MDGA2: variants seen among roughly 807,000 people sequenced by gnomAD.
MDGA2 encodes MAM domain containing glycosylphosphatidylinositol anchor 2.
A neutral mutation model predicts 117.8 loss-of-function variants in MDGA2; 40 were observed. The ratio of observed to expected loss-of-function variants is 0.34; its 90% CI spans 0.26 to 0.44. MDGA2 has a LOEUF of 0.44. Ranked by LOEUF, MDGA2 falls within the 20% of genes least tolerant of loss-of-function variation. MDGA2 has a pLI of 1.00. For missense variants in MDGA2, 1,123 were observed against 1,250.6 expected (o/e 0.90, Z 1.54); for synonymous variants, 452 against 439.0 (o/e 1.03, Z -0.37).
intron 1 of MDGA2, among the ~76,000 whole-genome samples, chr14:47,660,908 T>A (rs984455682): frequency 5.3e-5 from 8 of 151,644 alleles, no homozygotes; most frequent in Non-Finnish European, 1.0e-4. Flanking sequence ...TGAGAGAGAG[T>A]CCTCAGTATG....
At chr14:46,962,511 T>C (rs924710551) in intron 8 of MDGA2, among the ~76,000 whole-genome samples, 1 of 152,198 alleles carries the variant, frequency 6.6e-6, no homozygotes, top group Non-Finnish European at 1.5e-5. Flanking sequence ...CTCAAATTTG[T>C]CCATATTCAG....
At chr14:47,006,156 A>G (rs1456274593) in intron 8 of MDGA2, among the ~76,000 whole-genome samples, 1 of 151,222 alleles carries the variant, frequency 6.6e-6, no homozygotes, top group Non-Finnish European at 1.5e-5. Context: ...AAATTTTGTT[A>G]ATAATAATTA....
chr14:46,967,226 G>A (rs1475712731), intron 8 of MDGA2, among the ~76,000 whole-genome samples: 1 of 152,030 alleles, frequency 6.6e-6, no homozygotes, highest in East Asian at 1.9e-4. Context: ...CTGTCTATTT[G>A]GAGGACTTCG....
chr14:47,318,708 G>C (rs1889883675), intron 1 of MDGA2, among the ~76,000 whole-genome samples: 1 of 146,996 alleles, frequency 6.8e-6, no homozygotes, highest in South Asian at 2.2e-4. Flanking sequence ...CTTACCGAAT[G>C]AATTAATTAA....
intron 10 of MDGA2, among the ~76,000 whole-genome samples, chr14:46,889,754 C>A (rs1422645022): frequency 6.6e-6 from 1 of 151,926 alleles, no homozygotes; most frequent in Non-Finnish European, 1.5e-5. Context: ...AATACCAGGC[C>A]CCATTCCTTG....
At chr14:47,162,451 T>C (rs1883682576) in intron 3 of MDGA2, among the ~76,000 whole-genome samples, 1 of 152,200 alleles carries the variant, frequency 6.6e-6, no homozygotes, top group South Asian at 2.1e-4. Flanking sequence ...ATTATTCTGC[T>C]GCCTTTTATC....
chr14:47,084,346 T>C (rs1352562761), intron 6 of MDGA2, among the ~76,000 whole-genome samples: 1 of 151,902 alleles, frequency 6.6e-6, no homozygotes, highest in Non-Finnish European at 1.5e-5. Flanking sequence ...CACACTGAAC[T>C]GAATGAAAAC....
chr14:47,142,607 T>A (rs1388686548), intron 4 of MDGA2, among the ~76,000 whole-genome samples: 1 of 152,148 alleles, frequency 6.6e-6, no homozygotes, highest in East Asian at 1.9e-4. Context: ...AAAAATAAAT[T>A]GACAATAGAA....
intron 8 of MDGA2, among the ~76,000 whole-genome samples, chr14:47,016,523 T>A (rs1321742915): frequency 6.6e-6 from 1 of 151,974 alleles, no homozygotes; most frequent in East Asian, 1.9e-4. Context: ...AATATACACT[T>A]AAAAAATAAA....
chr14:47,407,517 C>T (rs758363421), intron 1 of MDGA2, among the ~76,000 whole-genome samples: 3 of 152,024 alleles, frequency 2.0e-5, no homozygotes, highest in Admixed American at 1.3e-4. Flanking sequence ...TCAAATGTCA[C>T]CAAAGGTAGC....
intron 1 of MDGA2, among the ~76,000 whole-genome samples, chr14:47,365,058 G>C (rs1007420854): frequency 6.6e-6 from 1 of 152,142 alleles, no homozygotes; most frequent in Non-Finnish European, 1.5e-5. Context: ...AGTTCCTTTG[G>C]GGAAATTTGT....
chr14:47,006,819 T>C (rs562096829), intron 8 of MDGA2, among the ~76,000 whole-genome samples: 6 of 151,802 alleles, frequency 4.0e-5, no homozygotes, highest in East Asian at 3.9e-4. Flanking sequence ...TCCTGTGTCA[T>C]AAAATAACCC....
chr14:47,058,604 G>A, intron 7 of MDGA2: 1 of 984,694 alleles, frequency 1.0e-6, no homozygotes, highest in Non-Finnish European at 1.2e-6. Flanking sequence ...AAGCACTTTA[G>A]TCTTCAATAG....
rs1038411383 is a variant in MDGA2 at position 47,598,374 on chromosome 14, T to C, written c.280+76143A>G. On this transcript the variant is annotated intron_variant, in intron 1 of 16. Transcript: ENST00000399232. ...GGAATTTGAACAAATATTTGTACACTGGTGTTTGTAGCTGCATTATTCACA... is the reference window on the plus strand; with the variant it reads ...GGAATTTGAACAAATATTTGTACACCGGTGTTTGTAGCTGCATTATTCACA... Among the ~76,000 whole-genome samples the C allele has an allele frequency of 3.9e-5, 6 of 152,300 alleles. No homozygotes were observed. In the East Asian group the frequency reaches 1.2e-3, roughly 29 times the overall value.
chr14:46,850,465 C>A (rs1344033055), intron 15 of MDGA2, among the ~76,000 whole-genome samples: 1 of 151,764 alleles, frequency 6.6e-6, no homozygotes, highest in Non-Finnish European at 1.5e-5. Flanking sequence ...TGACAAAAGG[C>A]AAATCACTTC....
chr14:47,187,650 C>A (rs1884960224), intron 3 of MDGA2, among the ~76,000 whole-genome samples: 1 of 151,964 alleles, frequency 6.6e-6, no homozygotes, highest in South Asian at 2.1e-4. Context: ...TGATTGTTTC[C>A]TCTTTAAAAG....
At chr14:47,125,599 A>G (rs1158844493) in intron 5 of MDGA2, among the ~76,000 whole-genome samples, 1 of 152,082 alleles carries the variant, frequency 6.6e-6, no homozygotes, top group Non-Finnish European at 1.5e-5. Flanking sequence ...AGAAAGGAAA[A>G]AAAATTGAAG....
intron 1 of MDGA2, among the ~76,000 whole-genome samples, chr14:47,553,444 T>C (rs1315812203): frequency 3.3e-5 from 5 of 152,168 alleles, no homozygotes; most frequent in African/African-American, 1.2e-4. Context: ...ATAATTAACT[T>C]GTTAAGTAAT....
At chr14:47,468,239 T>C (rs1346117360) in intron 1 of MDGA2, among the ~76,000 whole-genome samples, 1 of 152,156 alleles carries the variant, frequency 6.6e-6, no homozygotes, top group African/African-American at 2.4e-5. Flanking sequence ...TCTAAGGTCC[T>C]GACTATCCGT....
Sources: gnomAD v4.1 joint callset for allele counts (sites outside exome capture counted in the v4.1 genomes callset) on GRCh38, gnomAD v4.1.1 for gene constraint, MANE v1.5 for transcripts, NCBI Gene and HGNC (gene_info 2026-07-23, HGNC 2026-07-21) for gene names.